The following CENPC variants were observed in gnomAD, a reference collection of about 807,000 sequenced individuals.
The protein encoded by CENPC is CENP-C 1.
CENPC carries 63 observed loss-of-function variants against 112.1 expected under a neutral mutation model. The observed-to-expected ratio is 0.56, with a 90% CI of 0.46 to 0.69. CENPC has a LOEUF of 0.69. CENPC is among the 30% of genes least tolerant of loss of function. CENPC has a pLI of 0.00. For synonymous variants in CENPC, 333 were observed against 367.6 expected (o/e 0.91, Z 1.08); for missense variants, 1,000 against 1,103.8 (o/e 0.91, Z 1.33).
intron 7 of CENPC, 76 bp downstream of exon 7, chr4:67,518,080 G>C: frequency 1.3e-6 from 1 of 757,364 alleles, no homozygotes. Flanking sequence ...AAGTTAAATA[G>C]CATTAGGAAT....
intron 10 of CENPC, 44 bp downstream of exon 10, chr4:67,508,770 C>T (rs751240102): frequency 1.9e-5 from 29 of 1,558,170 alleles, no homozygotes; most frequent in Non-Finnish European, 2.1e-5. Context: ...TTATTAAATG[C>T]TGAACAACAA....
chr4:67,519,862 T>G (rs1223925360), intron 5 of CENPC, among the ~76,000 whole-genome samples: 2 of 152,158 alleles, frequency 1.3e-5, no homozygotes, highest in African/African-American at 4.8e-5. Context: ...TGTATCCATA[T>G]TCTCTTAACC....
In CENPC at chr4:67,514,482, A is replaced by G. The variant is rs763974042; in HGVS notation, c.1036T>C (p.Ser346Pro). The change falls in exon 8 of 19, where the codon TCA becomes CCA. Residue 346 changes from serine (S) to proline (P), a missense_variant. Coordinates refer to ENST00000273853, the MANE Select transcript of CENPC (RefSeq NM_001812.4). ...AATATATTATGATGCTTTTCTCTTGACTTTCTACCTTGAAGGAGTGCAGTG... is the reference window on the plus strand; with the variant it reads ...AATATATTATGATGCTTTTCTCTTGGCTTTCTACCTTGAAGGAGTGCAGTG... ...ESTALLQGRKSREKHHNILPK... is the reference protein window; with the variant it reads ...ESTALLQGRKPREKHHNILPK... 3.2e-5 allele frequency: 52 copies of G among 1,613,484 alleles called. No individual in the cohort carries two copies. Among genetic ancestry groups the G allele is most frequent in the Non-Finnish European group, 4.1e-5 (48 of 1,179,794 alleles).
chr4:67,495,567 G>C (rs1725408615), intron 12 of CENPC, among the ~76,000 whole-genome samples: 1 of 152,100 alleles, frequency 6.6e-6, no homozygotes, highest in Non-Finnish European at 1.5e-5. Flanking sequence ...GGACCAACCA[G>C]AAACAGAAAC....
intron 4 of CENPC, among the ~76,000 whole-genome samples, chr4:67,531,785 C>T (rs904277375): frequency 5.9e-5 from 9 of 152,194 alleles, no homozygotes; most frequent in African/African-American, 1.4e-4. Flanking sequence ...TCTGCTAATG[C>T]GCATTTTTCC....
In CENPC at chr4:67,493,943, C is replaced by T. The variant is rs369333716; in HGVS notation, c.2231G>A (p.Arg744His). The change falls in exon 14 of 19, where the codon CGT (arginine) becomes CAT (histidine). Residue 744 changes from arginine to histidine, a missense_variant. Coordinates refer to ENST00000273853, the MANE Select transcript of CENPC (RefSeq NM_001812.4). ...TPNVRRTKRT[R>H]LKPLEYWRGE... ...TCGCCAGTACTCCAAAGGTTTCAAA[C>T]GTGTTCTCTTGGTCCTGCGAACATT... 2.4e-5 allele frequency: 39 copies of T among 1,612,848 alleles called. No individual in the cohort carries two copies. Among genetic ancestry groups the T allele is most frequent in the Non-Finnish European group, 2.9e-5 (34 of 1,179,496 alleles).
intron 5 of CENPC, among the ~76,000 whole-genome samples, chr4:67,529,062 T>C (rs1004121294): frequency 3.9e-5 from 6 of 152,200 alleles, no homozygotes; most frequent in Non-Finnish European, 7.4e-5. Flanking sequence ...CATTCTCTAA[T>C]GACTGAAGAT....
chr4:67,492,727 T>G, intron 15 of CENPC, 142 bp downstream of exon 15: 5 of 1,241,002 alleles, frequency 4.0e-6, no homozygotes, highest in Non-Finnish European at 5.3e-6. Flanking sequence ...TGGAAGAAAG[T>G]AGACATTAAA....
chr4:67,493,752 T>C, intron 14 of CENPC, 132 bp downstream of exon 14: 2 of 582,754 alleles, frequency 3.4e-6, no homozygotes, highest in Non-Finnish European at 6.0e-6. Flanking sequence ...CAAAAATGAA[T>C]TTAAATCCTA....
intron 5 of CENPC, among the ~76,000 whole-genome samples, chr4:67,521,245 AATGAG>A (rs1462792161): frequency 4.7e-5 from 7 of 150,276 alleles, no homozygotes; most frequent in Non-Finnish European, 8.9e-5. Context: ...AATAGACATA[AATGAG>A]ATGAATCAGA....
Position 67,545,338 on chromosome 4 carries a change from C to G in CENPC, c.18G>C (p.Leu6=), listed in dbSNP as rs536474998. 1 of 1,522,128 alleles carries G rather than the reference C, an allele frequency of 6.6e-7. No individual in the cohort carries two copies. The highest frequency in any genetic ancestry group is 8.8e-7 in the Non-Finnish European group (1 of 1,130,996). The allele number at this position is 1,522,128 out of a possible 1,614,324, so 94.3% of individuals were successfully genotyped here. A position where few individuals can be genotyped will look rare whatever the true frequency, so the allele number is the denominator to read the frequency against. Residue 6 remains leucine, a splice_region_variant and synonymous_variant, in exon 1 of 19, where the codon CTG becomes CTC. Transcript: ENST00000273853. ...CCTGGAGCGGGGGGCCTGCACTTAC[C>G]AGACCGGACGCAGCCATGTTCCGGC... MAASG[L]DHLKNGYRRR...
intron 4 of CENPC, among the ~76,000 whole-genome samples, chr4:67,538,228 C>A (rs1726783762): frequency 6.6e-6 from 1 of 152,152 alleles, no homozygotes; most frequent in African/African-American, 2.4e-5. Flanking sequence ...CCCTCTAACA[C>A]TATTTTAGCT....
chr4:67,529,235 A>G (rs1726472928), intron 5 of CENPC, among the ~76,000 whole-genome samples: 1 of 152,148 alleles, frequency 6.6e-6, no homozygotes, highest in Non-Finnish European at 1.5e-5. Flanking sequence ...ATAAATCTCT[A>G]TCATCCTTTT....
chr4:67,472,763 A>G, intron 18 of CENPC, 88 bp from the exon 19 acceptor site: 3 of 1,268,686 alleles, frequency 2.4e-6, no homozygotes, highest in Non-Finnish European at 3.0e-6. Flanking sequence ...TGACAGTTGT[A>G]GTATAGGACA....
intron 5 of CENPC, among the ~76,000 whole-genome samples, chr4:67,526,194 G>C (rs762959570): frequency 6.6e-6 from 1 of 151,996 alleles, no homozygotes. Flanking sequence ...GGAAGGGAGA[G>C]CATTAGGACA....
chr4:67,494,495 A>G (rs1433260617), intron 13 of CENPC, among the ~76,000 whole-genome samples: 1 of 152,184 alleles, frequency 6.6e-6, no homozygotes, highest in Non-Finnish European at 1.5e-5. Flanking sequence ...ATTGAGAGGT[A>G]TAGCAGTCTC....
chr4:67,495,200 T>A lies in CENPC; in HGVS notation c.2144A>T (p.Gln715Leu). The A allele has an allele frequency of 2.6e-6, 4 of 1,531,498 alleles. No individual in the cohort carries two copies. The highest frequency in any genetic ancestry group is 3.5e-6 in the Non-Finnish European group (4 of 1,140,566). The allele number at this position is 1,531,498 out of a possible 1,614,324, so 94.9% of individuals were successfully genotyped here. The change falls in exon 13 of 19, where the codon CAA becomes CTA. Residue 715 changes from glutamine (Q) to leucine (L), a missense_variant. Physicochemically the swap from Gln to Leu is moderately radical, Grantham distance 113 (BLOSUM62 -2). Coordinates refer to ENST00000273853, the MANE Select transcript of CENPC (RefSeq NM_001812.4). Reference sequence around the variant, plus strand: ...TCTGTTCTTTGGTATCACTTTAGATTGTTTTGAGTCATCTACAAAATGCAA... The same window carrying A: ...TCTGTTCTTTGGTATCACTTTAGATAGTTTTGAGTCATCTACAAAATGCAA... ...EVHGSSDDSK[Q>L]SKVIPKNRIH...
At chr4:67,544,012 T>G in intron 2 of CENPC, 137 bp downstream of exon 2, 1 of 616,416 alleles carries the variant, frequency 1.6e-6, no homozygotes, top group Non-Finnish European at 3.0e-6. Flanking sequence ...TTCCCGTTAG[T>G]ATAAGATGAC....
rs1726956778 is a variant in CENPC at position 67,543,959 on chromosome 4, C to CT, written c.65+189dup. Among the ~76,000 whole-genome samples, 4 of 152,246 alleles carry CT rather than the reference C, an allele frequency of 2.6e-5. No individual in the cohort carries two copies. The South Asian group carries it at 8.3e-4, about 32-fold the overall frequency. ...TTCCACTATTTTATCAGGTGAATTT[C>CT]TTTTTTCACAGCCACAAAGTCATTG... On this transcript the variant is annotated intron_variant, in intron 2 of 18. Transcript: ENST00000273853.
Sources: allele counts gnomAD v4.1 joint callset (sites outside exome capture counted in the v4.1 genomes callset), GRCh38; gene constraint gnomAD v4.1.1; transcripts MANE v1.5; gene names NCBI Gene and HGNC (gene_info 2026-07-23, HGNC 2026-07-21).